The following NRROS variants were observed in gnomAD, a reference collection of about 807,000 sequenced individuals.
NRROS encodes the protein transforming growth factor beta activator LRRC33.
NRROS carries 6 observed loss-of-function variants against 12.0 expected under a neutral mutation model. The ratio of observed to expected loss-of-function variants is 0.50; its 90% CI spans 0.27 to 0.98. The LOEUF (loss-of-function observed/expected upper bound fraction) is 0.98. Ranked by LOEUF, NRROS falls within the 50% of genes least tolerant of loss-of-function variation. The pLI, the probability that NRROS is intolerant of heterozygous loss-of-function variation, is 0.11. For synonymous variants in NRROS, 462 were observed against 410.2 expected, an observed-to-expected ratio of 1.13 and a Z score of -1.53; for missense variants, 857 against 888.2, an observed-to-expected ratio of 0.96 and a Z score of 0.45.
chr3:196,648,752 GT>G (rs1200899771), intron 1 of NRROS, among the ~76,000 whole-genome samples: 1 of 104,380 alleles, frequency 9.6e-6, no homozygotes, highest in African/African-American at 4.1e-5. Context: ...GGCAACAAGA[GT>G]GAAACTCCAT....
At position 196,660,195 on chromosome 3, in the gene NRROS, G is replaced by T. The variant is rs779696521; in HGVS notation, c.552G>T (p.Arg184=). The change falls in exon 3 of 3, where the codon CGG becomes CGT. Residue 184 remains arginine, a synonymous_variant. Transcript: ENST00000328557. The surrounding 1 kb of genome is among the most constrained non-coding windows in gnomAD (Gnocchi z 7.7). ...DSVFEGLERL[R]ELDLQRNYIF... is the part of the protein sequence containing the mutation. ...TCTTCGAGGGCCTGGAGCGTCTCCGGGAGCTGGATCTGCAGAGGAACTACA... is the reference window on the plus strand; with the variant it reads ...TCTTCGAGGGCCTGGAGCGTCTCCGTGAGCTGGATCTGCAGAGGAACTACA... 12 of 1,613,248 alleles carry T rather than the reference G, an allele frequency of 7.4e-6. No individual in the cohort carries two copies. Among genetic ancestry groups the T allele is most frequent in the Non-Finnish European group, 1.0e-5 (12 of 1,180,046 alleles).
At chr3:196,659,727 C>G (rs1260568965) in intron 2 of NRROS, 25 bp from the exon 3 acceptor site, 2 of 1,589,876 alleles carry the variant, frequency 1.3e-6, no homozygotes, top group African/African-American at 1.3e-5. Flanking sequence ...CTCCTCGCTG[C>G]TGACCGGTGT....
Position 196,661,511 on chromosome 3 carries a change from TCTC to T in NRROS, c.1873_1875del (p.Ser625del). On this transcript the variant is annotated inframe_deletion, in exon 3 of 3. Transcript: ENST00000328557. ...GACTGGGCCATGGTCACCTGCAACC[TCTC>T]CTCCAAGATCATCCGCGTGACGGAG... 1 of 1,612,506 alleles carries T rather than the reference TCTC, an allele frequency of 6.2e-7. No homozygotes were observed.
At chr3:196,652,815 G>C (rs1284989973) in intron 1 of NRROS, among the ~76,000 whole-genome samples, 1 of 152,160 alleles carries the variant, frequency 6.6e-6, no homozygotes, top group Non-Finnish European at 1.5e-5. Context: ...CTCTTCCAGA[G>C]AGACTGGAGT....
At chr3:196,652,555 TG>T (rs761191712) in intron 1 of NRROS, among the ~76,000 whole-genome samples, 8 of 152,238 alleles carry the variant, frequency 5.3e-5, no homozygotes, top group African/African-American at 1.9e-4. Context: ...GATCTTCCCA[TG>T]ATATCCTGCT....
In NRROS at chr3:196,654,449, G is replaced by A; in HGVS notation, c.-13-78G>A. 3 of 849,972 alleles carry A rather than the reference G, an allele frequency of 3.5e-6. No individual in the cohort carries two copies. The highest frequency in any genetic ancestry group is 6.2e-6 in the Non-Finnish European group (3 of 486,100). The allele number at this position is 849,972 out of a possible 1,614,324, so 52.7% of individuals were successfully genotyped here. On this transcript the variant is annotated intron_variant, in intron 1 of 2. Coordinates refer to ENST00000328557, the MANE Select transcript of NRROS (RefSeq NM_198565.3). The surrounding 1 kb of genome is among the most constrained non-coding windows in gnomAD (Gnocchi z 4.4). ...CCAAGACCACATAGAATTGGAACTG[G>A]CTCCTTCTGCCGATAATACAAACAG...
At chr3:196,640,629 T>C (rs1458718976) in intron 1 of NRROS, among the ~76,000 whole-genome samples, 1 of 152,180 alleles carries the variant, frequency 6.6e-6, no homozygotes, top group Admixed American at 6.5e-5. Flanking sequence ...GGCCCCTGCA[T>C]GTGGGCCGGC....
chr3:196,648,959 C>G (rs2108637611), intron 1 of NRROS, among the ~76,000 whole-genome samples: 1 of 152,260 alleles, frequency 6.6e-6, no homozygotes, highest in African/African-American at 2.4e-5. Context: ...CAGCCCAGAT[C>G]TGTCAGAGGC....
intron 1 of NRROS, among the ~76,000 whole-genome samples, chr3:196,647,072 A>G (rs1353616577): frequency 1.3e-5 from 2 of 152,226 alleles, no homozygotes; most frequent in South Asian, 2.1e-4. Context: ...TAGTTTTACC[A>G]TAACTTATTT....
At chr3:196,643,891 C>T (rs745875038) in intron 1 of NRROS, among the ~76,000 whole-genome samples, 11 of 152,162 alleles carry the variant, frequency 7.2e-5, no homozygotes, top group Non-Finnish European at 1.3e-4. Context: ...CTGTGGTCGT[C>T]AGACACCAAG....
rs375348519 is a variant in NRROS at position 196,646,130 on chromosome 3, CTGTGAGGCCA to C, written c.-14+6257_-14+6266del. Among the ~76,000 whole-genome samples, 678 of 69,456 alleles carry C rather than the reference CTGTGAGGCCA, an allele frequency of 9.8e-3. 7 individuals carry two copies. The highest frequency in any genetic ancestry group is 0.052 in the African/African-American group (639 of 12,260). 45.6% of individuals were successfully genotyped at this position (69,456 alleles called of 152,430 possible). On this transcript the variant is annotated intron_variant, in intron 1 of 2. Coordinates refer to ENST00000328557, the MANE Select transcript of NRROS (RefSeq NM_198565.3). ...TGTCCCATTCAGTCTCGACACAACC[CTGTGAGGCCA>C]TCAAGGCAAGTGCTGTCCTCCGTGG...
rs756831527 is a variant in NRROS, at chr3:196,654,664, C to T, written c.108+17C>T. On this transcript the variant is annotated intron_variant, in intron 2 of 2. Coordinates refer to ENST00000328557, the MANE Select transcript of NRROS (RefSeq NM_198565.3). This position sits in a 1 kb window ranked among gnomAD's most constrained non-coding sequence, Gnocchi z 4.4. ...TGCAAGTTGGTGAGTTTCCCTTGAA[C>T]CCTGATCTGTCGGCTGCTCCTGTCC... The T allele has an allele frequency of 6.7e-6, 10 of 1,502,376 alleles. No homozygotes were observed. Among genetic ancestry groups the T allele is most frequent in the Middle Eastern group, 1.7e-4 (1 of 5,832 alleles). 93.1% of individuals were successfully genotyped at this position (1,502,376 alleles called of 1,614,324 possible).
At position 196,661,694 on chromosome 3, in the gene NRROS, G is replaced by A; in HGVS notation, c.2051G>A (p.Ser684Asn). The change falls in exon 3 of 3, where the codon AGC becomes AAC. Residue 684 changes from serine to asparagine, a missense_variant. Physicochemically the swap from Ser to Asn is conservative, Grantham distance 46 (BLOSUM62 1). Transcript: ENST00000328557. ...AAGCCTCTGCTTCAGGTCATCAAGA[G>A]CCGCTGCCACTGGTCCTCCGTTTAC... ...FKKPLLQVIK[S>N]RCHWSSVY is the part of the protein sequence containing the mutation. 3.1e-6 allele frequency: 5 copies of A among 1,595,734 alleles called. No homozygotes were observed. Among genetic ancestry groups the A allele is most frequent in the Non-Finnish European group, 4.3e-6 (5 of 1,175,646 alleles).
At chr3:196,653,086 G>A (rs979991100) in intron 1 of NRROS, among the ~76,000 whole-genome samples, 3 of 152,182 alleles carry the variant, frequency 2.0e-5, no homozygotes, top group Non-Finnish European at 4.4e-5. Flanking sequence ...GTGCTGGGGG[G>A]ATCCTGAGGT....
chr3:196,655,880 A>C (rs551564141), intron 2 of NRROS, among the ~76,000 whole-genome samples: 1 of 152,336 alleles, frequency 6.6e-6, no homozygotes, highest in African/African-American at 2.4e-5. Context: ...CTGCTCAAGA[A>C]ACACATATTT....
chr3:196,652,972 T>C (rs965139), intron 1 of NRROS, among the ~76,000 whole-genome samples: 91,111 of 152,082 alleles, frequency 0.6, 27,528 homozygotes, highest in Admixed American at 0.67. Context: ...TAAGGATGTA[T>C]CTAGCATTGA....
intron 1 of NRROS, among the ~76,000 whole-genome samples, chr3:196,642,128 C>G (rs1164022875): frequency 6.6e-6 from 1 of 152,060 alleles, no homozygotes; most frequent in Non-Finnish European, 1.5e-5. Flanking sequence ...GTGATGATTT[C>G]TGAAAGCTCA....
rs751461976 is a variant in NRROS at position 196,654,515 on chromosome 3, C to G, written c.-13-12C>G. On this transcript the variant is annotated splice_polypyrimidine_tract_variant and intron_variant, in intron 1 of 2. Coordinates refer to ENST00000328557, the MANE Select transcript of NRROS (RefSeq NM_198565.3). This position sits in a 1 kb window ranked among gnomAD's most constrained non-coding sequence, Gnocchi z 4.4. ...TTCTCTGACTTACCTCTTCCCTGCT[C>G]TCTGTCCACAGGGCTGCCCTTGAGA... 8 of 1,503,264 alleles carry G rather than the reference C, an allele frequency of 5.3e-6. No individual in the cohort carries two copies. Among genetic ancestry groups the G allele is most frequent in the South Asian group, 2.3e-5 (2 of 88,786 alleles). 93.1% of individuals were successfully genotyped at this position (1,503,264 alleles called of 1,614,324 possible).
chr3:196,648,192 T>C (rs1386536992), intron 1 of NRROS, among the ~76,000 whole-genome samples: 1 of 152,232 alleles, frequency 6.6e-6, no homozygotes, highest in African/African-American at 2.4e-5. Context: ...CAGAAAAGTT[T>C]ACAAGAAAGT....
Sources: allele counts gnomAD v4.1 joint callset (sites outside exome capture counted in the v4.1 genomes callset), GRCh38; gene constraint gnomAD v4.1.1; non-coding constraint Gnocchi (gnomAD v3.1); transcripts MANE v1.5; gene names NCBI Gene and HGNC (gene_info 2026-07-23, HGNC 2026-07-21).